The following SLC4A10 variants were observed in gnomAD, a reference collection of about 807,000 sequenced individuals.
The protein encoded by SLC4A10 is sodium-driven chloride bicarbonate exchanger.
A neutral mutation model predicts 137.7 loss-of-function variants in SLC4A10; 42 were observed. That is an observed-to-expected ratio of 0.30 (90% CI 0.24 to 0.39). The LOEUF (loss-of-function observed/expected upper bound fraction) is 0.39. SLC4A10 is among the 10% of genes least tolerant of loss of function. SLC4A10 has a pLI of 1.00. For synonymous variants in SLC4A10, 474 were observed against 464.1 expected (o/e 1.02, Z -0.27); for missense variants, 925 against 1,355.0 (o/e 0.68, Z 4.98).
At chr2:161,632,275 G>GT (rs2033689729) in intron 1 of SLC4A10, among the ~76,000 whole-genome samples, 1 of 151,572 alleles carries the variant, frequency 6.6e-6, no homozygotes, top group African/African-American at 2.4e-5. Context: ...CTTAGGAAGC[G>GT]TATTTCATTA....
At chr2:161,969,948 T>C (rs1698228648) in intron 23 of SLC4A10, among the ~76,000 whole-genome samples, 1 of 152,166 alleles carries the variant, frequency 6.6e-6, no homozygotes, top group Admixed American at 6.5e-5. Context: ...TAAGCAGTGG[T>C]TGCCCAAAGT....
intron 1 of SLC4A10, among the ~76,000 whole-genome samples, chr2:161,671,694 A>G (rs1011301868): frequency 6.6e-6 from 1 of 152,184 alleles, no homozygotes; most frequent in African/African-American, 2.4e-5. Context: ...AATAAAAAAG[A>G]AAACAGACAA....
intron 1 of SLC4A10, among the ~76,000 whole-genome samples, chr2:161,700,740 A>T (rs567172476): frequency 1.3e-5 from 2 of 152,240 alleles, no homozygotes; most frequent in South Asian, 4.1e-4. Context: ...TCCAAGATTT[A>T]GTCAGTATTT....
intron 1 of SLC4A10, among the ~76,000 whole-genome samples, chr2:161,694,250 AT>A (rs1252508641): frequency 6.6e-6 from 1 of 152,012 alleles, no homozygotes; most frequent in East Asian, 1.9e-4. Flanking sequence ...GGAAGACCTC[AT>A]TAATTAAGAC....
chr2:161,735,626 A>G (rs2125211806), intron 1 of SLC4A10, among the ~76,000 whole-genome samples: 1 of 152,302 alleles, frequency 6.6e-6, no homozygotes, highest in South Asian at 2.1e-4. Flanking sequence ...AAGTTTATAT[A>G]CCAGGTGTAG....
chr2:161,970,537 T>C (rs534269334), intron 23 of SLC4A10, among the ~76,000 whole-genome samples: 4 of 152,350 alleles, frequency 2.6e-5, no homozygotes, highest in African/African-American at 9.6e-5. Context: ...TGAAGAGTAT[T>C]CCATTTCTTA....
intron 3 of SLC4A10, among the ~76,000 whole-genome samples, chr2:161,805,682 G>C (rs1460329083): frequency 6.6e-6 from 1 of 152,186 alleles, no homozygotes; most frequent in Non-Finnish European, 1.5e-5. Context: ...CTCACATGCA[G>C]GTCATGCTGA....
At chr2:161,905,593 G>A (rs1331231528) in intron 14 of SLC4A10, 49 bp from the exon 15 acceptor site, 1 of 1,529,260 alleles carries the variant, frequency 6.5e-7, no homozygotes, top group South Asian at 1.3e-5. Flanking sequence ...ATGATAGCAA[G>A]CTGTTAAATG....
intron 3 of SLC4A10, among the ~76,000 whole-genome samples, chr2:161,813,328 A>G (rs1480047445): frequency 1.3e-5 from 2 of 152,128 alleles, no homozygotes; most frequent in Admixed American, 6.6e-5. Context: ...AACAGTATGT[A>G]TAATAAGCAT....
At chr2:161,778,926 C>A (rs968523248) in intron 2 of SLC4A10, among the ~76,000 whole-genome samples, 1 of 151,920 alleles carries the variant, frequency 6.6e-6, no homozygotes, top group Non-Finnish European at 1.5e-5. Context: ...CCACATAGTA[C>A]ACTATAGACC....
chr2:161,904,771 C>G lies in SLC4A10; in HGVS notation c.1618-5C>G. ...GGTAATTGAACCATTTATATCTCTACACAGAGTGCAATTGAATCTCTCTTT... is the reference window on the plus strand; with the variant it reads ...GGTAATTGAACCATTTATATCTCTAGACAGAGTGCAATTGAATCTCTCTTT... On this transcript the variant is annotated splice_region_variant and splice_polypyrimidine_tract_variant and intron_variant, in intron 13 of 26. Coordinates refer to ENST00000446997, the MANE Select transcript of SLC4A10 (RefSeq NM_001178015.2). The G allele has an allele frequency of 6.2e-7, 1 of 1,613,872 alleles. No homozygotes were observed. The highest frequency in any genetic ancestry group is 8.5e-7 in the Non-Finnish European group (1 of 1,179,816).
Position 161,830,658 on chromosome 2 carries a change from T to TA in SLC4A10, c.278-9123dup, listed in dbSNP as rs200551970. On this transcript the variant is annotated intron_variant, in intron 3 of 26. Coordinates refer to ENST00000446997, the MANE Select transcript of SLC4A10 (RefSeq NM_001178015.2). ...AAGTTCATACAACAAGATAAAATTT[T>TA]AAAAAAAAGCCAAAAGTGTACAAAA... Among the ~76,000 whole-genome samples the TA allele has an allele frequency of 1.7e-3, 263 of 151,954 alleles. 2 individuals carry two copies. The highest frequency in any genetic ancestry group is 6.1e-3 in the African/African-American group (251 of 41,462).
At chr2:161,856,831 A>T (rs1409425765) in intron 5 of SLC4A10, among the ~76,000 whole-genome samples, 1 of 152,182 alleles carries the variant, frequency 6.6e-6, no homozygotes. Flanking sequence ...TAATAAAGAA[A>T]AAAACTAAGA....
intron 1 of SLC4A10, among the ~76,000 whole-genome samples, chr2:161,662,309 G>A (rs2038527696): frequency 6.6e-6 from 1 of 152,058 alleles, no homozygotes; most frequent in Admixed American, 6.6e-5. Flanking sequence ...GACAAATATG[G>A]AGTGGCTTAC....
intron 1 of SLC4A10, among the ~76,000 whole-genome samples, chr2:161,684,666 T>C (rs2041201280): frequency 1.3e-5 from 2 of 152,168 alleles, no homozygotes. Context: ...ATAGAAATAG[T>C]ATCAATCTCA....
intron 1 of SLC4A10, among the ~76,000 whole-genome samples, chr2:161,665,709 T>C (rs1053000811): frequency 6.6e-6 from 1 of 151,362 alleles, no homozygotes; most frequent in Non-Finnish European, 1.5e-5. Flanking sequence ...AATATAAAAA[T>C]TAATTATTTT....
chr2:161,693,726 G>A (rs1260913298), intron 1 of SLC4A10, among the ~76,000 whole-genome samples: 1 of 99,552 alleles, frequency 1.0e-5, no homozygotes, highest in Non-Finnish European at 2.0e-5. Context: ...TACAGTATTT[G>A]TCTTTCTTTG....
At chr2:161,928,649 CA>C (rs34327479) in intron 15 of SLC4A10, among the ~76,000 whole-genome samples, 9,653 of 99,210 alleles carry the variant, frequency 0.097, 295 homozygotes, top group Middle Eastern at 0.12. Context: ...TCCTTGAAAG[CA>C]AAAAAAAAAA....
intron 1 of SLC4A10, chr2:161,708,824 C>A: frequency 4.6e-6 from 7 of 1,532,148 alleles, no homozygotes; most frequent in Non-Finnish European, 6.1e-6. Context: ...ATCTCTAAGT[C>A]ATCAGGTATG....
Sources: allele counts gnomAD v4.1 joint callset (sites outside exome capture counted in the v4.1 genomes callset), GRCh38; gene constraint gnomAD v4.1.1; transcripts MANE v1.5; gene names NCBI Gene and HGNC (gene_info 2026-07-23, HGNC 2026-07-21).